ROCK2: variants seen among roughly 807,000 people sequenced by gnomAD.
The protein encoded by ROCK2 is Rho associated coiled-coil containing protein kinase 2, also known as rho-associated protein kinase 2.
In ROCK2, 61 loss-of-function variants were observed where a neutral mutation model predicts 195.1. The ratio of observed to expected loss-of-function variants is 0.31; its 90% CI spans 0.25 to 0.39. ROCK2 has a LOEUF of 0.39. Ranked by LOEUF, ROCK2 falls within the 10% of genes least tolerant of loss-of-function variation. The pLI is 1.00. For missense variants in ROCK2, 1,109 were observed against 1,637.4 expected (o/e 0.68, Z 5.57); for synonymous variants, 504 against 545.5 (o/e 0.92, Z 1.06).
chr2:11,229,061 A>G (rs762268101), intron 5 of ROCK2, among the ~76,000 whole-genome samples: 5 of 152,296 alleles, frequency 3.3e-5, no homozygotes, highest in South Asian at 2.1e-4. Context: ...GATAAGCTGC[A>G]TATCAGTGTG....
At chr2:11,297,071 TA>T (rs550423423) in intron 1 of ROCK2, among the ~76,000 whole-genome samples, 218 of 152,194 alleles carry the variant, frequency 1.4e-3, no homozygotes, top group African/African-American at 5.0e-3. Context: ...CAAAGCAACC[TA>T]AAAATCTGGA....
intron 8 of ROCK2, 54 bp from the exon 9 acceptor site, chr2:11,221,411 A>C: frequency 1.6e-6 from 2 of 1,249,410 alleles, no homozygotes; most frequent in Non-Finnish European, 2.2e-6. Flanking sequence ...TATATAAACC[A>C]TCCTATTTTA....
chr2:11,256,529 C>T (rs1362516572), intron 3 of ROCK2, among the ~76,000 whole-genome samples: 1 of 150,992 alleles, frequency 6.6e-6, no homozygotes, highest in Non-Finnish European at 1.5e-5. Flanking sequence ...TCAGGTAGTT[C>T]TTTACAGCAA....
chr2:11,274,889 A>ATC (rs1026915171), intron 3 of ROCK2, among the ~76,000 whole-genome samples: 1 of 152,166 alleles, frequency 6.6e-6, no homozygotes, highest in Non-Finnish European at 1.5e-5. Context: ...CTATATATAT[A>ATC]TTATGTTTTT....
chr2:11,303,419 T>G (rs761663518), intron 1 of ROCK2, among the ~76,000 whole-genome samples: 31 of 152,200 alleles, frequency 2.0e-4, no homozygotes, highest in Non-Finnish European at 3.1e-4. Context: ...CACATTTTAC[T>G]TTCTTTCCTG....
At chr2:11,318,409 T>C (rs1281015162) in intron 1 of ROCK2, among the ~76,000 whole-genome samples, 2 of 152,228 alleles carry the variant, frequency 1.3e-5, no homozygotes, top group Non-Finnish European at 2.9e-5. Flanking sequence ...CATAAATGTC[T>C]TCTTTTGAGA....
At chr2:11,218,742 C>G (rs1448281351) in intron 10 of ROCK2, among the ~76,000 whole-genome samples, 1 of 152,118 alleles carries the variant, frequency 6.6e-6, no homozygotes, top group Non-Finnish European at 1.5e-5. Context: ...TCAATTAAGC[C>G]TAAAGCCATG....
At chr2:11,202,717 C>T (rs892255460) in intron 20 of ROCK2, among the ~76,000 whole-genome samples, 2 of 151,976 alleles carry the variant, frequency 1.3e-5, no homozygotes, top group African/African-American at 2.4e-5. Flanking sequence ...AGGATGGTCT[C>T]GATCTCCTGA....
At chr2:11,322,319 AAAG>A (rs960073576) in intron 1 of ROCK2, among the ~76,000 whole-genome samples, 1 of 152,054 alleles carries the variant, frequency 6.6e-6, no homozygotes, top group Non-Finnish European at 1.5e-5. Context: ...AGTTTTTTAA[AAAG>A]AATAAGAAAA....
intron 4 of ROCK2, among the ~76,000 whole-genome samples, chr2:11,237,116 C>A (rs1665237915): frequency 6.6e-6 from 1 of 152,192 alleles, no homozygotes; most frequent in African/African-American, 2.4e-5. Flanking sequence ...TATACCATTG[C>A]ACTCCAGCCT....
chr2:11,224,735 A>C (rs1286351884), intron 6 of ROCK2, among the ~76,000 whole-genome samples: 1 of 150,156 alleles, frequency 6.7e-6, no homozygotes, highest in East Asian at 1.9e-4. Flanking sequence ...TTTTTTTTTT[A>C]ATTTAAGAGA....
chr2:11,246,112 C>T (rs571280508), intron 4 of ROCK2, among the ~76,000 whole-genome samples: 1 of 152,140 alleles, frequency 6.6e-6, no homozygotes, highest in Admixed American at 6.5e-5. Flanking sequence ...TGGTAACACA[C>T]CAGATAACCA....
intron 1 of ROCK2, among the ~76,000 whole-genome samples, chr2:11,324,164 C>T (rs1668478472): frequency 1.3e-5 from 2 of 152,314 alleles, no homozygotes; most frequent in South Asian, 2.1e-4. Flanking sequence ...CAGCCGGGCA[C>T]GGTGGCTCAC....
At chr2:11,306,875 T>C (rs1326109326) in intron 1 of ROCK2, among the ~76,000 whole-genome samples, 1 of 151,816 alleles carries the variant, frequency 6.6e-6, no homozygotes, top group Non-Finnish European at 1.5e-5. Flanking sequence ...GTATAAACAA[T>C]CCAAATGCTG....
intron 3 of ROCK2, among the ~76,000 whole-genome samples, chr2:11,277,067 T>G (rs917598342): frequency 3.9e-5 from 6 of 152,188 alleles, no homozygotes; most frequent in Non-Finnish European, 8.8e-5. Flanking sequence ...CTTTTTCAGT[T>G]TCCTCTAATA....
At chr2:11,254,944 G>A (rs546333620) in intron 3 of ROCK2, among the ~76,000 whole-genome samples, 5 of 152,094 alleles carry the variant, frequency 3.3e-5, no homozygotes, top group South Asian at 2.1e-4. Context: ...GGGGCCGGGC[G>A]CAGTGGCTCA....
chr2:11,328,475 C>A (rs1668615726), intron 1 of ROCK2, among the ~76,000 whole-genome samples: 2 of 152,164 alleles, frequency 1.3e-5, no homozygotes, highest in Admixed American at 1.3e-4. Context: ...TCACTGTATT[C>A]TTCACAACTC....
intron 18 of ROCK2, among the ~76,000 whole-genome samples, chr2:11,209,594 A>T (rs1664179670): frequency 6.6e-6 from 1 of 152,184 alleles, no homozygotes; most frequent in South Asian, 2.1e-4. Flanking sequence ...TTTACAATAA[A>T]TTTTTAATCT....
At chr2:11,289,606 CAGAT>C (rs1229872434) in intron 1 of ROCK2, among the ~76,000 whole-genome samples, 1 of 152,126 alleles carries the variant, frequency 6.6e-6, no homozygotes, top group Non-Finnish European at 1.5e-5. Flanking sequence ...ATTTTTCAAA[CAGAT>C]AGAATATTAA....
Sources: gnomAD v4.1 joint callset for allele counts (sites outside exome capture counted in the v4.1 genomes callset) on GRCh38, gnomAD v4.1.1 for gene constraint, MANE v1.5 for transcripts, NCBI Gene and HGNC (gene_info 2026-07-23, HGNC 2026-07-21) for gene names.